The following XPA variants were observed in gnomAD, a reference collection of about 807,000 sequenced individuals.
XPA encodes XPA, DNA damage recognition and repair factor, also known as DNA repair protein complementing XP-A cells.
A neutral mutation model predicts 35.7 loss-of-function variants in XPA; 27 were observed. The observed-to-expected ratio is 0.76, with a 90% CI of 0.56 to 1.04. The LOEUF is 1.04. Among genes scored for constraint, XPA ranks in the 50% least tolerant of loss-of-function variants. The pLI, the probability that XPA is intolerant of heterozygous loss-of-function variation, is 0.00. For synonymous variants in XPA, 133 were observed against 118.4 expected (o/e 1.12, Z -0.80); for missense variants, 354 against 342.7 (o/e 1.03, Z -0.26).
At chr9:97,668,806 T>A in the XPA span, 1,413 of 1,598,276 alleles carry the variant, frequency 8.8e-4, 12 homozygotes, top group African/African-American at 0.016. Context: ...CACACTGGAA[T>A]CTAAATGGTA....
Position 97,675,351 on chromosome 9 carries a change from C to CTTTTTTTTT in XPA, c.*79_*87dup. The CTTTTTTTTT allele has an allele frequency of 8.4e-7, 1 of 1,187,440 alleles. No individual in the cohort carries two copies. Among genetic ancestry groups the CTTTTTTTTT allele is most frequent in the Non-Finnish European group, 1.1e-6 (1 of 870,290 alleles). The allele number at this position is 1,187,440 out of a possible 1,614,324, so 73.6% of individuals were successfully genotyped here. A position where few individuals can be genotyped will look rare whatever the true frequency, so the allele number is the denominator to read the frequency against. ...GTTTCATTCATCTATGAAGATGTTG[C>CTTTTTTTTT]TTTTTTTTTTGAATTTTGAAAAGGA... On this transcript the variant is annotated 3_prime_UTR_variant, in exon 6 of 6. Coordinates refer to ENST00000375128, the MANE Select transcript of XPA (RefSeq NM_000380.4).
chr9:97,668,326 C>G, the XPA span, among the ~76,000 whole-genome samples: 3 of 152,118 alleles, frequency 2.0e-5, no homozygotes, highest in African/African-American at 4.8e-5. Context: ...TCAGAGTGAG[C>G]TGGGGGCAGG....
chr9:97,662,337 A>G, the XPA span, among the ~76,000 whole-genome samples: 2 of 152,220 alleles, frequency 1.3e-5, no homozygotes, highest in African/African-American at 4.8e-5. Flanking sequence ...TACAGTTGGC[A>G]TATGTACATG....
the XPA span, among the ~76,000 whole-genome samples, chr9:97,658,135 G>A: frequency 6.6e-6 from 1 of 151,642 alleles, no homozygotes; most frequent in Non-Finnish European, 1.5e-5. Flanking sequence ...TGCCATTGGG[G>A]TGTCATTGGT....
In XPA at chr9:97,697,338, A is replaced by C. The variant is rs1267683445; in HGVS notation, c.-46T>G. On this transcript the variant is annotated 5_prime_UTR_variant, in exon 1 of 6. Transcript: ENST00000375128. ...CTAGCTCCCAGCTCCACGCACGCGC[A>C]CTGCACGCCGAGGCGAGCCAGCCGC... is the stretch of plus-strand genomic sequence containing the variant. 2 of 1,594,416 alleles carry C rather than the reference A, an allele frequency of 1.3e-6. No homozygotes were observed. The highest frequency in any genetic ancestry group is 1.7e-6 in the Non-Finnish European group (2 of 1,178,260).
At chr9:97,683,667 G>A (rs1173018528) in intron 5 of XPA, among the ~76,000 whole-genome samples, 1 of 151,984 alleles carries the variant, frequency 6.6e-6, no homozygotes, top group Non-Finnish European at 1.5e-5. Flanking sequence ...CTCTGAGTAG[G>A]AAAATCATGC....
the XPA span, chr9:97,660,806 TA>T: frequency 1.4e-5 from 14 of 1,003,202 alleles, no homozygotes; most frequent in Middle Eastern, 2.2e-4. Context: ...TATATGTGAT[TA>T]AATATTGACC....
the XPA span, chr9:97,662,232 G>T: frequency 1.0e-6 from 1 of 963,174 alleles, no homozygotes; most frequent in South Asian, 1.4e-5. Flanking sequence ...TAAGATTGTT[G>T]AATATGAAGA....
chr9:97,659,276 A>G, the XPA span, among the ~76,000 whole-genome samples: 1 of 152,238 alleles, frequency 6.6e-6, no homozygotes, highest in Admixed American at 6.5e-5. Context: ...ATTGTTGATC[A>G]CTGGTAGAGT....
chr9:97,680,662 A>T (rs1208085148), intron 5 of XPA, among the ~76,000 whole-genome samples: 1 of 152,240 alleles, frequency 6.6e-6, no homozygotes, highest in African/African-American at 2.4e-5. Context: ...GGTAAATAAA[A>T]AAAATTTAAG....
the XPA span, among the ~76,000 whole-genome samples, chr9:97,666,388 T>A: frequency 6.6e-6 from 1 of 152,214 alleles, no homozygotes; most frequent in African/African-American, 2.4e-5. Context: ...GTCACCATTT[T>A]GAGAAAATTT....
chr9:97,672,290 T>C (rs1206759878), downstream of XPA: 1 of 152,198 alleles, frequency 6.6e-6, no homozygotes, highest in African/African-American at 2.4e-5. Context: ...TGTTGTGCAT[T>C]TGCACAAAAT....
the XPA span, among the ~76,000 whole-genome samples, chr9:97,665,010 T>A: frequency 6.6e-6 from 1 of 152,208 alleles, no homozygotes; most frequent in Non-Finnish European, 1.5e-5. Context: ...GTTTGGTTCT[T>A]ATTTATGAAG....
the XPA span, among the ~76,000 whole-genome samples, chr9:97,654,691 G>A: frequency 6.6e-6 from 1 of 152,090 alleles, no homozygotes; most frequent in African/African-American, 2.4e-5. Flanking sequence ...GTGTATGCAG[G>A]TCAGATTCAT....
At chr9:97,657,927 T>TATA in the XPA span, among the ~76,000 whole-genome samples, 37 of 93,146 alleles carry the variant, frequency 4.0e-4, no homozygotes, top group African/African-American at 1.2e-3. Flanking sequence ...TATATATATA[T>TATA]TTTTTTTTTT....
At chr9:97,661,190 CTGT>C in the XPA span, 1 of 1,222,836 alleles carries the variant, frequency 8.2e-7, no homozygotes, top group South Asian at 1.6e-5. Context: ...CCTGTTCAGA[CTGT>C]TGTTCTTAGC....
chr9:97,686,381 G>A (rs1305328420), intron 4 of XPA, among the ~76,000 whole-genome samples: 1 of 152,226 alleles, frequency 6.6e-6, no homozygotes, highest in Non-Finnish European at 1.5e-5. Flanking sequence ...AAGTGGAGTT[G>A]AGACGATCTG....
chr9:97,667,763 A>G, the XPA span, among the ~76,000 whole-genome samples: 1 of 152,240 alleles, frequency 6.6e-6, no homozygotes, highest in African/African-American at 2.4e-5. Flanking sequence ...ACAATTTAAC[A>G]TTCAGTTCTT....
intron 5 of XPA, among the ~76,000 whole-genome samples, chr9:97,677,025 T>A (rs1277063408): frequency 6.6e-6 from 1 of 152,226 alleles, no homozygotes; most frequent in Non-Finnish European, 1.5e-5. Context: ...TGGTTTCAGA[T>A]AATGTAAGGA....
Sources: gnomAD v4.1 joint callset for allele counts (sites outside exome capture counted in the v4.1 genomes callset) on GRCh38, gnomAD v4.1.1 for gene constraint, MANE v1.5 for transcripts, NCBI Gene and HGNC (gene_info 2026-07-23, HGNC 2026-07-21) for gene names.